Variants in FEZ2 observed in about 807,000 individuals in gnomAD.
FEZ2 encodes fasciculation and elongation protein zeta 2, also known as fasciculation and elongation protein zeta-2.
Under a neutral mutation model 40.4 loss-of-function variants are expected in FEZ2, and 51 were observed. The ratio of observed to expected loss-of-function variants is 1.26; its 90% CI spans 1.01 to 1.59. FEZ2 has a LOEUF of 1.59. Ranked by LOEUF, FEZ2 falls within the 40% of genes most tolerant of loss-of-function variation. The pLI, the probability that FEZ2 is intolerant of heterozygous loss-of-function variation, is 0.00. For missense variants in FEZ2, 640 were observed against 438.3 expected (o/e 1.46, Z -4.11); for synonymous variants, 242 against 172.0 (o/e 1.41, Z -3.18).
chr2:36,560,670 A>G (rs1264609553), intron 5 of FEZ2: 1 of 584,710 alleles, frequency 1.7e-6, no homozygotes, highest in Non-Finnish European at 3.0e-6. Flanking sequence ...ATAAACTTTT[A>G]TTTCTCTCGT....
At chr2:36,586,471 C>A (rs1668901877) in intron 2 of FEZ2, among the ~76,000 whole-genome samples, 1 of 151,828 alleles carries the variant, frequency 6.6e-6, no homozygotes. Context: ...CCCATTGCTA[C>A]AAAAAATTAG....
chr2:36,586,461 C>T (rs1433505690), intron 2 of FEZ2, among the ~76,000 whole-genome samples: 21 of 152,030 alleles, frequency 1.4e-4, no homozygotes, highest in Non-Finnish European at 4.4e-5. Context: ...ATGGTGAAAC[C>T]CCATTGCTAC....
intron 5 of FEZ2, chr2:36,561,643 A>T (rs561905220): frequency 6.6e-6 from 1 of 152,354 alleles, no homozygotes; most frequent in African/African-American, 2.4e-5. Flanking sequence ...CATAGTAAAA[A>T]GCGTCTGGTG....
At chr2:36,569,160 G>C (rs944411058) in intron 5 of FEZ2, among the ~76,000 whole-genome samples, 5 of 152,212 alleles carry the variant, frequency 3.3e-5, no homozygotes, top group Non-Finnish European at 7.3e-5. Context: ...TAGAGTTGTT[G>C]TGAAGGTTAC....
intron 7 of FEZ2, among the ~76,000 whole-genome samples, chr2:36,554,554 T>C (rs1309453607): frequency 6.6e-6 from 1 of 151,374 alleles, no homozygotes; most frequent in Non-Finnish European, 1.5e-5. Flanking sequence ...TGTCAGGTAT[T>C]AAAAAAAAAA....
intron 5 of FEZ2, among the ~76,000 whole-genome samples, chr2:36,574,942 GGA>G (rs1187325399): frequency 3.3e-5 from 5 of 152,158 alleles, no homozygotes; most frequent in Non-Finnish European, 7.4e-5. Flanking sequence ...ACGGAGAATT[GGA>G]AAGGGACTAG....
chr2:36,557,300 C>CA (rs749865105), intron 6 of FEZ2: 9 of 152,106 alleles, frequency 5.9e-5, no homozygotes, highest in East Asian at 5.8e-4. Flanking sequence ...GCTAGCTACC[C>CA]AGTTAATCTC....
At chr2:36,562,456 TTAC>T (rs1282252902) in intron 5 of FEZ2, among the ~76,000 whole-genome samples, 3 of 152,176 alleles carry the variant, frequency 2.0e-5, no homozygotes, top group Admixed American at 2.0e-4. Flanking sequence ...GTTCCAAATT[TTAC>T]TACCTTACAG....
chr2:36,572,125 TACA>T (rs1668435119), intron 5 of FEZ2, among the ~76,000 whole-genome samples: 1 of 151,340 alleles, frequency 6.6e-6, no homozygotes, highest in Non-Finnish European at 1.5e-5. Flanking sequence ...CTGTGTATAA[TACA>T]ACATTTTTAT....
intron 5 of FEZ2, among the ~76,000 whole-genome samples, chr2:36,567,587 C>A (rs113701956): frequency 6.6e-6 from 1 of 151,864 alleles, no homozygotes; most frequent in East Asian, 1.9e-4. Context: ...CCTGGTGAAA[C>A]CTCATCTCTA....
chr2:36,583,349 A>G lies in FEZ2; in HGVS notation c.492+4T>C, dbSNP rs1490826178. 7 of 1,475,348 alleles carry G rather than the reference A, an allele frequency of 4.7e-6. No homozygotes were observed. Among genetic ancestry groups the G allele is most frequent in the Non-Finnish European group, 6.6e-6 (7 of 1,054,848 alleles). The allele number at this position is 1,475,348 out of a possible 1,614,324, so 91.4% of individuals were successfully genotyped here. On this transcript the variant is annotated splice_donor_region_variant and intron_variant, in intron 3 of 7. Coordinates refer to ENST00000405912, the MANE Select transcript of FEZ2 (RefSeq NM_005102.3). ...CCTTGCGTTGCTGAGGATCTCCTCT[A>G]TACCTGGTCTGCCGTGAAGAGGGGT... is the stretch of plus-strand genomic sequence containing the variant.
At chr2:36,596,415 AAG>A (rs889265676) in intron 1 of FEZ2, among the ~76,000 whole-genome samples, 2 of 152,146 alleles carry the variant, frequency 1.3e-5, no homozygotes, top group African/African-American at 4.8e-5. Flanking sequence ...CCTAACCTCT[AAG>A]AGTCTCTCCA....
At chr2:36,553,467 G>T (rs1211047754) in intron 7 of FEZ2, among the ~76,000 whole-genome samples, 1 of 152,152 alleles carries the variant, frequency 6.6e-6, no homozygotes, top group African/African-American at 2.4e-5. Context: ...CATGAGGCTT[G>T]TGACACAACA....
chr2:36,577,765 T>C (rs921168000), intron 5 of FEZ2, among the ~76,000 whole-genome samples: 12 of 152,368 alleles, frequency 7.9e-5, no homozygotes, highest in African/African-American at 2.9e-4. Flanking sequence ...ATTCTTTAGA[T>C]AAGTAAATCA....
rs747158150 is a variant in FEZ2, at chr2:36,560,841, T to C, written c.904-2328A>G. On this transcript the variant is annotated intron_variant, in intron 5 of 7. Coordinates refer to ENST00000405912, the MANE Select transcript of FEZ2 (RefSeq NM_005102.3). ...TGGCGGAGGCCATTCTGAATGACAT[T>C]TGAGATCCCTTCCATGCTGAAGCGC... 1.6e-5 allele frequency: 26 copies of C among 1,610,536 alleles called. No homozygotes were observed. Among genetic ancestry groups the C allele is most frequent in the Middle Eastern group, 1.6e-4 (1 of 6,076 alleles).
At chr2:36,572,414 T>C (rs913081560) in intron 5 of FEZ2, among the ~76,000 whole-genome samples, 124 of 152,246 alleles carry the variant, frequency 8.1e-4, no homozygotes, top group African/African-American at 2.9e-3. Context: ...TTTTTATCTA[T>C]GCAAACTCAC....
chr2:36,578,821 C>A lies in FEZ2; in HGVS notation c.679G>T (p.Glu227Ter). 6.2e-7 allele frequency: 1 copy of A among 1,613,260 alleles called. No individual in the cohort carries two copies. Among genetic ancestry groups the A allele is most frequent in the Non-Finnish European group, 8.5e-7 (1 of 1,179,688 alleles). The change falls in exon 5 of 8, where the codon GAA becomes TAA. Residue 227 changes from glutamate to a stop codon, truncating the protein, a stop_gained. Transcript: ENST00000405912. LOFTEE classifies it high-confidence loss of function. ...SVSELNEILE[E>*]IETAIKEYSE... ...TACTCCTTAATGGCAGTCTCAATTTCTTCCAGGATTTCATTTAACTCAGAC... is the reference window on the plus strand; with the variant it reads ...TACTCCTTAATGGCAGTCTCAATTTATTCCAGGATTTCATTTAACTCAGAC...
intron 5 of FEZ2, among the ~76,000 whole-genome samples, chr2:36,575,318 G>A (rs1668537492): frequency 6.6e-6 from 1 of 151,750 alleles, no homozygotes. Context: ...CCAAGTAGTT[G>A]GGACTACAGG....
At position 36,590,898 on chromosome 2, in the gene FEZ2, C is replaced by A; in HGVS notation, c.375+5G>T. On this transcript the variant is annotated splice_donor_5th_base_variant and intron_variant, in intron 2 of 7. Coordinates refer to ENST00000405912, the MANE Select transcript of FEZ2 (RefSeq NM_005102.3). Reference sequence around the variant, plus strand: ...CAAACACTATTGGTTCAATTCCTAACTTACCCCTTTTTCTGAGAGGTTCAG... The same window carrying A: ...CAAACACTATTGGTTCAATTCCTAAATTACCCCTTTTTCTGAGAGGTTCAG... 6.5e-7 allele frequency: 1 copy of A among 1,531,122 alleles called. No individual in the cohort carries two copies. Among genetic ancestry groups the A allele is most frequent in the Non-Finnish European group, 9.1e-7 (1 of 1,104,456 alleles). 94.8% of individuals were successfully genotyped at this position (1,531,122 alleles called of 1,614,324 possible).
Sources: gnomAD v4.1 joint callset for allele counts (sites outside exome capture counted in the v4.1 genomes callset) on GRCh38, gnomAD v4.1.1 for gene constraint, MANE v1.5 for transcripts, NCBI Gene and HGNC (gene_info 2026-07-23, HGNC 2026-07-21) for gene names.